Variants in LHFPL3 observed in about 807,000 individuals in gnomAD.
LHFPL3 encodes the protein LHFPL tetraspan subfamily member 3 protein.
Under a neutral mutation model 19.3 loss-of-function variants are expected in LHFPL3, and 5 were observed. That is an observed-to-expected ratio of 0.26 (90% CI 0.14 to 0.54). The LOEUF is 0.54. Ranked by LOEUF, LHFPL3 falls within the 20% of genes least tolerant of loss-of-function variation. The pLI is 0.94. For missense variants in LHFPL3, 249 were observed against 307.4 expected (o/e 0.81, Z 1.42); for synonymous variants, 133 against 126.2 (o/e 1.05, Z -0.36).
chr7:104,902,251 G>A (rs1330708928), intron 2 of LHFPL3, among the ~76,000 whole-genome samples: 3 of 151,902 alleles, frequency 2.0e-5, no homozygotes, highest in Admixed American at 6.6e-5. Flanking sequence ...GCATGGTAAC[G>A]CGTGCCTGTG....
intron 1 of LHFPL3, among the ~76,000 whole-genome samples, chr7:104,571,530 A>G (rs1790230953): frequency 6.6e-6 from 1 of 152,144 alleles, no homozygotes; most frequent in Admixed American, 6.6e-5. Flanking sequence ...CAAGTGACTT[A>G]CAAGCCTTTT....
chr7:104,788,832 TCTCA>T (rs953943916), intron 2 of LHFPL3, among the ~76,000 whole-genome samples: 32 of 152,164 alleles, frequency 2.1e-4, no homozygotes, highest in African/African-American at 7.5e-4. Flanking sequence ...TCGTTCCCTC[TCTCA>T]CTCCTCAACA....
At chr7:104,360,192 G>C (rs549567434) in intron 1 of LHFPL3, among the ~76,000 whole-genome samples, 2 of 152,328 alleles carry the variant, frequency 1.3e-5, no homozygotes, top group Admixed American at 1.3e-4. Flanking sequence ...GCAGTAGGAA[G>C]ATCTGGGCAA....
At chr7:104,651,193 G>A (rs1241199953) in intron 1 of LHFPL3, among the ~76,000 whole-genome samples, 2 of 152,188 alleles carry the variant, frequency 1.3e-5, no homozygotes, top group African/African-American at 4.8e-5. Flanking sequence ...ACCACACTGA[G>A]AAGCACTTTC....
At chr7:104,801,508 C>A (rs1790244422) in intron 2 of LHFPL3, among the ~76,000 whole-genome samples, 1 of 152,178 alleles carries the variant, frequency 6.6e-6, no homozygotes, top group Admixed American at 6.5e-5. Context: ...ACTGATATTT[C>A]TCTAGTTAGC....
chr7:104,650,884 G>A (rs1402148438), intron 1 of LHFPL3, among the ~76,000 whole-genome samples: 2 of 152,192 alleles, frequency 1.3e-5, no homozygotes. Context: ...AAACTTGTAA[G>A]ATGAATGATT....
intron 1 of LHFPL3, among the ~76,000 whole-genome samples, chr7:104,722,923 G>A (rs749231449): frequency 2.0e-5 from 3 of 152,086 alleles, no homozygotes; most frequent in Non-Finnish European, 4.4e-5. Context: ...TTCTCCTTCT[G>A]TTAAAAAAAT....
In LHFPL3 at chr7:104,329,203, G is replaced by T; in HGVS notation, c.424G>T (p.Ala142Ser). The T allele has an allele frequency of 1.2e-6, 2 of 1,609,352 alleles. No individual in the cohort carries two copies. ...CNTATVYKIC[A>S]WMQLTSAACL... is the part of the protein sequence containing the mutation. ...CACGGCCACTGTGTACAAGATATGT[G>T]CCTGGATGCAGCTCACCTCCGGTGA... The change falls in exon 1 of 3, where the codon GCC becomes TCC. Residue 142 changes from alanine (A) to serine (S), a missense_variant. Physicochemically the swap from Ala to Ser is moderately conservative, Grantham distance 99. Coordinates refer to ENST00000424859, the MANE Select transcript of LHFPL3 (RefSeq NM_199000.3).
chr7:104,351,392 A>C (rs1399557408), intron 1 of LHFPL3, among the ~76,000 whole-genome samples: 1 of 152,192 alleles, frequency 6.6e-6, no homozygotes, highest in Middle Eastern at 3.2e-3. Flanking sequence ...ACTTTGGAAC[A>C]CAAAGCAAAT....
chr7:104,391,716 G>T (rs1266189740), intron 1 of LHFPL3, among the ~76,000 whole-genome samples: 2 of 152,094 alleles, frequency 1.3e-5, no homozygotes, highest in African/African-American at 2.4e-5. Context: ...TTCCAATTCT[G>T]TGAAGAAAGT....
At chr7:104,425,350 T>C (rs10268828) in intron 1 of LHFPL3, among the ~76,000 whole-genome samples, 56,671 of 151,986 alleles carry the variant, frequency 0.37, 12,765 homozygotes, top group African/African-American at 0.61. Context: ...TTGTGACCTT[T>C]GTTGACCTCT....
chr7:104,603,162 CCTTT>C (rs145743691), intron 1 of LHFPL3, among the ~76,000 whole-genome samples: 108,815 of 128,320 alleles, frequency 0.85, 47,420 homozygotes, highest in Non-Finnish European at 0.94. Context: ...TTCCTTCCTT[CCTTT>C]CTTTCTTTCT....
intron 2 of LHFPL3, among the ~76,000 whole-genome samples, chr7:104,746,905 C>A (rs1794056211): frequency 6.6e-6 from 1 of 152,220 alleles, no homozygotes; most frequent in African/African-American, 2.4e-5. Context: ...CCTTGCCCTG[C>A]TGTCTCCCTT....
chr7:104,486,722 A>C (rs1793243897), intron 1 of LHFPL3, among the ~76,000 whole-genome samples: 1 of 152,170 alleles, frequency 6.6e-6, no homozygotes, highest in Non-Finnish European at 1.5e-5. Context: ...TGATATTATT[A>C]GTTCTACTAT....
At chr7:104,661,237 C>A (rs868720991) in intron 1 of LHFPL3, among the ~76,000 whole-genome samples, 1 of 152,184 alleles carries the variant, frequency 6.6e-6, no homozygotes, top group Admixed American at 6.5e-5. Flanking sequence ...CACACAGAAA[C>A]CTCGTTGATC....
chr7:104,597,602 G>T (rs1790888762), intron 1 of LHFPL3, among the ~76,000 whole-genome samples: 1 of 152,166 alleles, frequency 6.6e-6, no homozygotes, highest in South Asian at 2.1e-4. Context: ...TTGAAAGGAA[G>T]TATAATCCTT....
At chr7:104,853,715 A>T (rs370026835) in intron 2 of LHFPL3, among the ~76,000 whole-genome samples, 1 of 152,216 alleles carries the variant, frequency 6.6e-6, no homozygotes, top group Non-Finnish European at 1.5e-5. Context: ...TAGTACCTTT[A>T]ATGGCACTTT....
intron 2 of LHFPL3, among the ~76,000 whole-genome samples, chr7:104,893,429 G>A (rs1327936169): frequency 2.0e-5 from 3 of 151,846 alleles, no homozygotes; most frequent in Non-Finnish European, 2.9e-5. Context: ...CAGGAGAATC[G>A]CTTGAACCTA....
intron 1 of LHFPL3, among the ~76,000 whole-genome samples, chr7:104,645,252 GT>G (rs1290663194): frequency 6.6e-6 from 1 of 152,014 alleles, no homozygotes; most frequent in African/African-American, 2.4e-5. Context: ...CTCCAACTCT[GT>G]TTTTTTCAAA....
Sources: allele counts gnomAD v4.1 joint callset (sites outside exome capture counted in the v4.1 genomes callset), GRCh38; gene constraint gnomAD v4.1.1; transcripts MANE v1.5; gene names NCBI Gene and HGNC (gene_info 2026-07-23, HGNC 2026-07-21).